The following TAFA2 variants were observed in gnomAD, a reference collection of about 807,000 sequenced individuals.
TAFA2 encodes TAFA chemokine like family member 2.
Under a neutral mutation model 18.8 loss-of-function variants are expected in TAFA2, and 7 were observed. The ratio of observed to expected loss-of-function variants is 0.37; its 90% CI spans 0.21 to 0.70. The LOEUF is 0.70. Among genes scored for constraint, TAFA2 ranks in the 30% least tolerant of loss-of-function variants. TAFA2 has a pLI of 0.53. For missense variants in TAFA2, 122 were observed against 158.1 expected (o/e 0.77, Z 1.23); for synonymous variants, 60 against 54.2 (o/e 1.11, Z -0.47).
At chr12:61,933,319 G>A (rs1375590316) in intron 1 of TAFA2, among the ~76,000 whole-genome samples, 2 of 152,114 alleles carry the variant, frequency 1.3e-5, no homozygotes, top group African/African-American at 2.4e-5. Flanking sequence ...CCACCTTTAT[G>A]TAATGGATAG....
At chr12:62,010,063 A>G (rs1003817878) in intron 1 of TAFA2, among the ~76,000 whole-genome samples, 2 of 152,226 alleles carry the variant, frequency 1.3e-5, no homozygotes, top group Non-Finnish European at 2.9e-5. Context: ...ATTAGCTTTT[A>G]CATTTTTGTA....
chr12:62,095,677 G>T (rs1038652766), intron 1 of TAFA2, among the ~76,000 whole-genome samples: 1 of 152,120 alleles, frequency 6.6e-6, no homozygotes, highest in Non-Finnish European at 1.5e-5. Flanking sequence ...TAAACTTTGA[G>T]TGAGCCTCTG....
At chr12:62,228,888 T>C (rs966307251) in intron 1 of TAFA2, among the ~76,000 whole-genome samples, 2 of 152,196 alleles carry the variant, frequency 1.3e-5, no homozygotes, top group African/African-American at 4.8e-5. Flanking sequence ...CTCTTCAACT[T>C]CTTTCATCAG....
At chr12:61,974,884 G>T (rs1279491074) in intron 1 of TAFA2, among the ~76,000 whole-genome samples, 1 of 151,698 alleles carries the variant, frequency 6.6e-6, no homozygotes, top group Non-Finnish European at 1.5e-5. Context: ...TGAGTTCATC[G>T]AAGTATCAGC....
At chr12:61,782,888 A>G (rs1406868069) in intron 2 of TAFA2, among the ~76,000 whole-genome samples, 2 of 151,780 alleles carry the variant, frequency 1.3e-5, no homozygotes, top group African/African-American at 2.4e-5. Context: ...AATATTTAGT[A>G]AAGACTTTAA....
At chr12:61,918,110 G>A (rs181097356) in intron 1 of TAFA2, among the ~76,000 whole-genome samples, 90 of 152,024 alleles carry the variant, frequency 5.9e-4, no homozygotes, top group Non-Finnish European at 1.2e-3. Flanking sequence ...ATAATCACAT[G>A]AGGGTAAACA....
chr12:62,234,601 T>C lies in TAFA2; in HGVS notation c.-130+24162A>G, dbSNP rs187948668. On this transcript the variant is annotated intron_variant, in intron 1 of 5. Coordinates refer to the TAFA2 transcript ENST00000551619. The stretch of plus-strand genomic sequence containing the variant: ...GAAAGACCATAAACACCTTTCCCGT[T>C]GCACAAATAGGGCCTCTCACCCATG... The C allele has an allele frequency of 8.4e-4, 696 of 824,296 alleles. 3 individuals are homozygous for C. Among genetic ancestry groups the C allele is most frequent in the Non-Finnish European group, 2.7e-4 (126 of 463,210 alleles). 51.1% of individuals were successfully genotyped at this position (824,296 alleles called of 1,614,324 possible). A position where few individuals can be genotyped will look rare whatever the true frequency, so the allele number is the denominator to read the frequency against.
intron 1 of TAFA2, among the ~76,000 whole-genome samples, chr12:62,202,818 GTTC>G (rs1257117590): frequency 1.1e-5 from 1 of 94,812 alleles, no homozygotes; most frequent in East Asian, 4.3e-4. Flanking sequence ...TAGCTGTGTG[GTTC>G]TTTTTTTTTT....
chr12:61,916,949 T>C (rs1438739829), intron 1 of TAFA2, among the ~76,000 whole-genome samples: 1 of 152,220 alleles, frequency 6.6e-6, no homozygotes, highest in Non-Finnish European at 1.5e-5. Flanking sequence ...TTAACTATGA[T>C]AAGTTCACTC....
intron 1 of TAFA2, among the ~76,000 whole-genome samples, chr12:61,876,921 C>T (rs148835067): frequency 1.6e-4 from 24 of 152,294 alleles, no homozygotes; most frequent in African/African-American, 4.1e-4. Flanking sequence ...AAAGAGACAG[C>T]GATGCTGGGA....
intron 1 of TAFA2, among the ~76,000 whole-genome samples, chr12:61,891,221 T>C (rs1875618336): frequency 6.6e-6 from 1 of 152,062 alleles, no homozygotes; most frequent in Non-Finnish European, 1.5e-5. Context: ...TGAGAAAGAT[T>C]CAGCCAAATA....
chr12:61,872,440 C>T (rs908937729), intron 1 of TAFA2, among the ~76,000 whole-genome samples: 10 of 152,112 alleles, frequency 6.6e-5, no homozygotes, highest in African/African-American at 2.2e-4. Context: ...GTAGAATGCG[C>T]GGTGGATTAG....
intron 4 of TAFA2, among the ~76,000 whole-genome samples, chr12:61,727,349 G>C (rs1216329490): frequency 7.4e-6 from 1 of 134,816 alleles, no homozygotes; most frequent in Non-Finnish European, 1.7e-5. Flanking sequence ...TCTGGTCCTG[G>C]ACCTTTTTTT....
chr12:62,079,029 A>G (rs1321271714), intron 1 of TAFA2, among the ~76,000 whole-genome samples: 1 of 152,200 alleles, frequency 6.6e-6, no homozygotes, highest in East Asian at 1.9e-4. Flanking sequence ...TTTAGCTTCC[A>G]ACTACAGCCT....
rs370168663 is a variant in TAFA2, at chr12:61,773,405, A to T, written c.107-18381T>A. 3.3e-5 allele frequency among the ~76,000 whole-genome samples: 5 copies of T among 151,920 alleles called. No individual in the cohort carries two copies. The East Asian group carries it at 9.7e-4, about 29-fold the overall frequency. On this transcript the variant is annotated intron_variant, in intron 2 of 4. Coordinates refer to ENST00000416284, the MANE Select transcript of TAFA2 (RefSeq NM_178539.5). The stretch of plus-strand genomic sequence containing the variant: ...AAAGGGCCCACACAGCCAAAGCAAG[A>T]CTAAGCAAAAGGAACAAATCTGGAG...
intron 1 of TAFA2, among the ~76,000 whole-genome samples, chr12:61,905,645 G>C (rs1258600053): frequency 1.3e-5 from 2 of 152,040 alleles, no homozygotes; most frequent in African/African-American, 4.8e-5. Context: ...AAAGACAGTG[G>C]GGGTCACCAG....
At chr12:61,836,732 G>GTATATATATATATAT (rs1168905129) in intron 2 of TAFA2, among the ~76,000 whole-genome samples, 1 of 112,788 alleles carries the variant, frequency 8.9e-6, no homozygotes, top group Non-Finnish European at 1.9e-5. Context: ...TTGCCAATTT[G>GTATATATATATATAT]ATATATATAT....
intron 1 of TAFA2, among the ~76,000 whole-genome samples, chr12:62,024,227 T>C (rs1281614063): frequency 6.6e-6 from 1 of 152,170 alleles, no homozygotes. Flanking sequence ...ATTCTTGATA[T>C]ATGCTATTGG....
At chr12:62,014,441 C>T (rs1880864043) in intron 1 of TAFA2, among the ~76,000 whole-genome samples, 1 of 152,010 alleles carries the variant, frequency 6.6e-6, no homozygotes. Context: ...CCAGCCTGGG[C>T]AACATGGTTA....
Sources: gnomAD v4.1 joint callset for allele counts (sites outside exome capture counted in the v4.1 genomes callset) on GRCh38, gnomAD v4.1.1 for gene constraint, MANE v1.5 for transcripts, NCBI Gene and HGNC (gene_info 2026-07-23, HGNC 2026-07-21) for gene names.